C17orf67: variants seen among roughly 807,000 people sequenced by gnomAD.
C17orf67 encodes the protein chromosome 17 open reading frame 67.
In C17orf67, 12 loss-of-function variants were observed where a neutral mutation model predicts 11.2. The ratio of observed to expected loss-of-function variants is 1.07; its 90% CI spans 0.68 to 1.73. The LOEUF (loss-of-function observed/expected upper bound fraction) is 1.73, where lower values mean the gene tolerates loss of function less well. C17orf67 is among the 40% of genes most tolerant of loss of function. C17orf67 has a pLI of 0.00. For synonymous variants in C17orf67, 59 were observed against 46.9 expected, an observed-to-expected ratio of 1.26 and a Z score of -1.05; for missense variants, 115 against 113.5, an observed-to-expected ratio of 1.01 and a Z score of -0.06.
intron 2 of C17orf67, among the ~76,000 whole-genome samples, chr17:56,829,492 G>A (rs1906134153): frequency 6.6e-6 from 1 of 152,140 alleles, no homozygotes; most frequent in Admixed American, 6.5e-5. Context: ...CAAGAGCCAA[G>A]CCCTGCTGCT....
intron 7 of C17orf67, among the ~76,000 whole-genome samples, chr17:56,793,655 G>C (rs1318285415): frequency 2.6e-5 from 4 of 152,334 alleles, no homozygotes; most frequent in Admixed American, 2.0e-4. Context: ...ACTTGCCCAA[G>C]GGCACAGAGC....
At chr17:56,819,453 G>T (rs1161323506) in intron 4 of C17orf67, among the ~76,000 whole-genome samples, 1 of 152,102 alleles carries the variant, frequency 6.6e-6, no homozygotes, top group Non-Finnish European at 1.5e-5. Flanking sequence ...CTCCTTCACT[G>T]GTAAGCTTTA....
At chr17:56,818,156 T>TAA (rs952874915) in intron 4 of C17orf67, among the ~76,000 whole-genome samples, 2 of 139,704 alleles carry the variant, frequency 1.4e-5, no homozygotes, top group South Asian at 2.3e-4. Context: ...TAGCATTATT[T>TAA]AAAAAAAAAA....
In C17orf67 at chr17:56,828,933, C is replaced by G. The variant is rs141132387; in HGVS notation, c.-556-3612G>C. On this transcript the variant is annotated intron_variant, in intron 2 of 7. Transcript: ENST00000397861. ...GTATGAAAAAGTATTTAAACATCCC[C>G]AGTTTTGTAGATGCTTATAAGGTGA... Among the ~76,000 whole-genome samples, 725 of 152,094 alleles carry G rather than the reference C, an allele frequency of 4.8e-3. 3 individuals are homozygous for G. The highest frequency in any genetic ancestry group is 0.017 in the African/African-American group (687 of 41,460).
intron 6 of C17orf67, among the ~76,000 whole-genome samples, chr17:56,795,794 G>A (rs759166159): frequency 2.0e-5 from 3 of 152,134 alleles, no homozygotes; most frequent in Non-Finnish European, 2.9e-5. Context: ...TTATGTTAGG[G>A]TTATGCCATG....
intron 2 of C17orf67, among the ~76,000 whole-genome samples, chr17:56,831,709 T>A (rs1404537000): frequency 6.6e-6 from 1 of 151,974 alleles, no homozygotes; most frequent in African/African-American, 2.4e-5. Context: ...TTAGGGGACT[T>A]GAGTTGTGCA....
At chr17:56,816,313 C>T (rs1024943205) in intron 4 of C17orf67, among the ~76,000 whole-genome samples, 1 of 152,216 alleles carries the variant, frequency 6.6e-6, no homozygotes, top group African/African-American at 2.4e-5. Flanking sequence ...CAATTTTCAG[C>T]TGACTTTAGA....
At chr17:56,826,889 G>A (rs1906050343) in intron 2 of C17orf67, among the ~76,000 whole-genome samples, 1 of 152,202 alleles carries the variant, frequency 6.6e-6, no homozygotes, top group South Asian at 2.1e-4. Context: ...ATGGTGCATA[G>A]CAAGTGCAGA....
At chr17:56,819,111 C>A (rs1188465899) in intron 4 of C17orf67, among the ~76,000 whole-genome samples, 7 of 152,204 alleles carry the variant, frequency 4.6e-5, no homozygotes, top group Non-Finnish European at 8.8e-5. Flanking sequence ...CCAAGCACAA[C>A]AGGACCCTGT....
At position 56,815,967 on chromosome 17, in the gene C17orf67, T is replaced by C; in HGVS notation, c.-157A>G. The C allele has an allele frequency of 7.1e-7, 1 of 1,407,456 alleles. No individual in the cohort carries two copies. The highest frequency in any genetic ancestry group is 9.5e-7 in the Non-Finnish European group (1 of 1,050,006). The allele number at this position is 1,407,456 out of a possible 1,614,324, so 87.2% of individuals were successfully genotyped here. A position where few individuals can be genotyped will look rare whatever the true frequency, so the allele number is the denominator to read the frequency against. On this transcript the variant is annotated 5_prime_UTR_variant, in exon 5 of 8. Coordinates refer to ENST00000397861, the MANE Select transcript of C17orf67 (RefSeq NM_001085430.4). ...TATCTGACTCTGAGCGTTTTAGTAA[T>C]GACCACTGAAATATTTTCCTCCGAA...
intron 6 of C17orf67, among the ~76,000 whole-genome samples, chr17:56,799,161 C>G (rs551151320): frequency 7.2e-5 from 11 of 152,336 alleles, no homozygotes; most frequent in African/African-American, 2.2e-4. Flanking sequence ...ACAAACCACA[C>G]ACAAACCCTA....
chr17:56,799,734 T>C (rs1905275971), intron 6 of C17orf67, among the ~76,000 whole-genome samples: 1 of 152,204 alleles, frequency 6.6e-6, no homozygotes, highest in Non-Finnish European at 1.5e-5. Flanking sequence ...CTCACCAGCA[T>C]TTGGTGTTGT....
chr17:56,825,657 C>A (rs1248474629), intron 2 of C17orf67, among the ~76,000 whole-genome samples: 1 of 152,156 alleles, frequency 6.6e-6, no homozygotes, highest in African/African-American at 2.4e-5. Context: ...AGGTTATACA[C>A]ACTGTAAGCT....
At chr17:56,804,672 A>C (rs1905403857) in intron 6 of C17orf67, among the ~76,000 whole-genome samples, 1 of 152,242 alleles carries the variant, frequency 6.6e-6, no homozygotes, top group South Asian at 2.1e-4. Context: ...TCCTTAAAGG[A>C]TCACAGGCCA....
Position 56,815,763 on chromosome 17 carries a change from G to T in C17orf67, c.48C>A (p.Val16=). Residue 16 remains valine (V), a synonymous_variant, in exon 5 of 8, where the codon GTC becomes GTA. Transcript: ENST00000397861. ...VLVLSLTLLT[V]FSETSPILTE... ...TTTGGAGTCAGTGCCCACCTGAGAA[G>T]ACAGTCAGTAAGGTAAGAGACAGCA... The T allele has an allele frequency of 6.2e-7, 1 of 1,610,300 alleles. No homozygotes were observed. Among genetic ancestry groups the T allele is most frequent in the South Asian group, 1.1e-5 (1 of 90,548 alleles).
chr17:56,794,450 C>G (rs1905170439), intron 7 of C17orf67, among the ~76,000 whole-genome samples: 1 of 151,806 alleles, frequency 6.6e-6, no homozygotes, highest in Non-Finnish European at 1.5e-5. Context: ...AGCAAACAGC[C>G]TCATCTAGGC....
chr17:56,823,530 A>C (rs73325015), intron 4 of C17orf67, among the ~76,000 whole-genome samples: 1 of 152,206 alleles, frequency 6.6e-6, no homozygotes, highest in South Asian at 2.1e-4. Context: ...TAAAAAAGGA[A>C]TGTTCAGAAA....
chr17:56,811,364 C>T (rs1444668327), intron 6 of C17orf67, among the ~76,000 whole-genome samples: 1 of 152,196 alleles, frequency 6.6e-6, no homozygotes, highest in East Asian at 1.9e-4. Flanking sequence ...CCTGCCTCAT[C>T]CCTACCCCCT....
intron 2 of C17orf67, among the ~76,000 whole-genome samples, chr17:56,828,810 A>G (rs376736871): frequency 6.6e-6 from 1 of 151,176 alleles, no homozygotes; most frequent in South Asian, 2.1e-4. Flanking sequence ...CTGGATTCAC[A>G]CATGGAGGAG....
Sources: allele counts gnomAD v4.1 joint callset (sites outside exome capture counted in the v4.1 genomes callset), GRCh38; gene constraint gnomAD v4.1.1; transcripts MANE v1.5; gene names NCBI Gene and HGNC (gene_info 2026-07-23, HGNC 2026-07-21).